Variants in DIXDC1 observed in about 807,000 individuals in gnomAD.
DIXDC1 encodes dixin.
In DIXDC1, 64 loss-of-function variants were observed where a neutral mutation model predicts 103.1. The ratio of observed to expected loss-of-function variants is 0.62; its 90% CI spans 0.51 to 0.76. The LOEUF is 0.76. DIXDC1 is among the 30% of genes least tolerant of loss of function. The probability of loss-of-function intolerance (pLI) is 0.00; values close to 1 mark genes in which losing one functional copy is unlikely to be tolerated. For synonymous variants in DIXDC1, 266 were observed against 298.5 expected, an observed-to-expected ratio of 0.89 and a Z score of 1.12; for missense variants, 759 against 834.2, an observed-to-expected ratio of 0.91 and a Z score of 1.11.
intron 2 of DIXDC1, among the ~76,000 whole-genome samples, chr11:111,965,732 ATAGTACT>A (rs1216793933): frequency 6.6e-6 from 1 of 152,212 alleles, no homozygotes; most frequent in African/African-American, 2.4e-5. Context: ...ATAAAAATAA[ATAGTACT>A]TAGTATGAGT....
intron 10 of DIXDC1, among the ~76,000 whole-genome samples, chr11:111,989,617 C>T (rs1860626367): frequency 7.0e-6 from 1 of 143,098 alleles, no homozygotes; most frequent in Admixed American, 6.9e-5. Context: ...GGGTGAGACT[C>T]CGTCTCGGAA....
At chr11:111,937,873 T>TC (rs1302008793) in intron 1 of DIXDC1, among the ~76,000 whole-genome samples, 9 of 152,312 alleles carry the variant, frequency 5.9e-5, no homozygotes, top group African/African-American at 2.2e-4. Context: ...AGAGCTTCTC[T>TC]CTCCAAGGAA....
chr11:111,975,325 A>T, intron 5 of DIXDC1: 1 of 1,131,002 alleles, frequency 8.8e-7, no homozygotes, highest in Non-Finnish European at 1.1e-6. Flanking sequence ...AGCCAGTTCC[A>T]TTGTGCTGTC....
At chr11:111,994,215 C>T (rs781885621) in intron 14 of DIXDC1, among the ~76,000 whole-genome samples, 1 of 151,924 alleles carries the variant, frequency 6.6e-6, no homozygotes, top group East Asian at 1.9e-4. Flanking sequence ...GGTGAAACCT[C>T]GTCTCTACTA....
chr11:111,982,187 C>T (rs1860326844), intron 6 of DIXDC1, 152 bp from the exon 7 acceptor site: 1 of 773,458 alleles, frequency 1.3e-6, no homozygotes, highest in African/African-American at 1.7e-5. Flanking sequence ...CTTTAGGCCT[C>T]ACAACCCCAC....
At chr11:111,949,918 C>CT (rs372738597) in intron 1 of DIXDC1, among the ~76,000 whole-genome samples, 65 of 149,958 alleles carry the variant, frequency 4.3e-4, no homozygotes, top group Middle Eastern at 3.4e-3. Flanking sequence ...GCATAAATAG[C>CT]TTTTTTTTTT....
In DIXDC1 at chr11:111,989,040, C is replaced by T; in HGVS notation, c.1098C>T (p.Asn366=). The change falls in exon 10 of 20, where the codon AAC becomes AAT. Residue 366 remains asparagine (N), a synonymous_variant. Transcript: ENST00000440460. ...ELLKCKQEAR[N]LQGIKDALQQ... is the part of the protein sequence containing the mutation. ...TGAAATGTAAACAAGAAGCCAGAAA[C>T]TTACAGGGGATAAAGGTAAAAAAGA... 1.9e-6 allele frequency: 3 copies of T among 1,610,520 alleles called. No homozygotes were observed. Among genetic ancestry groups the T allele is most frequent in the Non-Finnish European group, 2.5e-6 (3 of 1,178,620 alleles).
At chr11:111,997,787 A>G (rs1266987387) in intron 17 of DIXDC1, among the ~76,000 whole-genome samples, 2 of 152,226 alleles carry the variant, frequency 1.3e-5, no homozygotes, top group East Asian at 3.8e-4. Context: ...ACTACAAATA[A>G]ATCTATAGCT....
chr11:111,961,576 T>C (rs1555171090), intron 1 of DIXDC1, among the ~76,000 whole-genome samples: 1 of 152,240 alleles, frequency 6.6e-6, no homozygotes. Context: ...GAATCCTCTT[T>C]TGTTGGAAGA....
chr11:112,013,980 T>A (rs1436475657), intron 17 of DIXDC1, among the ~76,000 whole-genome samples: 2 of 151,700 alleles, frequency 1.3e-5, no homozygotes, highest in Non-Finnish European at 2.9e-5. Context: ...TGGAGGGAGG[T>A]GCCAGGCTCT....
intron 2 of DIXDC1, among the ~76,000 whole-genome samples, chr11:111,931,229 G>A (rs1243466061): frequency 2.0e-5 from 3 of 152,090 alleles, no homozygotes; most frequent in African/African-American, 7.2e-5. Context: ...CAACTACTCA[G>A]GAGGCTGAAT....
chr11:111,975,025 G>C, intron 5 of DIXDC1, 42 bp downstream of exon 5: 1 of 1,579,942 alleles, frequency 6.3e-7, no homozygotes, highest in Non-Finnish European at 8.6e-7. Flanking sequence ...AGGATTCTCG[G>C]AGTTCTCGGC....
upstream of DIXDC1, among the ~76,000 whole-genome samples, chr11:111,934,763 A>G (rs1966141340): frequency 6.6e-6 from 1 of 152,198 alleles, no homozygotes; most frequent in South Asian, 2.1e-4. Flanking sequence ...AAAAATGGAC[A>G]TTATATGGTC....
intron 1 of DIXDC1, among the ~76,000 whole-genome samples, chr11:111,949,843 G>A (rs112622111): frequency 0.076 from 11,505 of 152,144 alleles, 1,285 homozygotes; most frequent in African/African-American, 0.24. Context: ...GAACCAGCCA[G>A]ATGTCTCCTT....
At chr11:111,979,799 A>T (rs1860237416) in intron 5 of DIXDC1, among the ~76,000 whole-genome samples, 1 of 152,086 alleles carries the variant, frequency 6.6e-6, no homozygotes, top group African/African-American at 2.4e-5. Flanking sequence ...CTACAAAATG[A>T]TTTAAAAATT....
upstream of DIXDC1, among the ~76,000 whole-genome samples, chr11:111,936,153 A>G (rs1193290156): frequency 1.3e-5 from 2 of 152,240 alleles, no homozygotes; most frequent in South Asian, 4.1e-4. Flanking sequence ...GCTGCCTGTC[A>G]CTGATTGGCT....
Position 112,017,154 on chromosome 11 carries a change from G to C in DIXDC1, c.1862+358G>C, listed in dbSNP as rs1349331042. On this transcript the variant is annotated intron_variant, in intron 18 of 19. Transcript: ENST00000440460. This position sits in a 1 kb window ranked among gnomAD's most constrained non-coding sequence, Gnocchi z 4.0. ...AGCCTGGCACTCACTCCAGGACTAT[G>C]ACTAATTGATCTTTGTTACTATTCA... Among the ~76,000 whole-genome samples the C allele has an allele frequency of 6.6e-5, 10 of 151,588 alleles. No homozygotes were observed. The highest frequency in any genetic ancestry group is 8.8e-5 in the Non-Finnish European group (6 of 67,966).
chr11:111,940,679 G>A (rs1966388700), intron 1 of DIXDC1, among the ~76,000 whole-genome samples: 1 of 152,170 alleles, frequency 6.6e-6, no homozygotes, highest in Non-Finnish European at 1.5e-5. Flanking sequence ...TTTATTGAAA[G>A]GGGATGGATA....
In DIXDC1 at chr11:111,977,357, A is replaced by T; in HGVS notation, c.656+2374A>T. On this transcript the variant is annotated intron_variant, in intron 5 of 19. Coordinates refer to ENST00000440460, the MANE Select transcript of DIXDC1 (RefSeq NM_001037954.4). This position sits in a 1 kb window ranked among gnomAD's most constrained non-coding sequence, Gnocchi z 6.1. ...GATCGCCGCTGGGGACTCGAGGCGC[A>T]GCCTGCGCCGCCGGGAGCCTCCCTC... 9.4e-7 allele frequency: 1 copy of T among 1,067,122 alleles called. No homozygotes were observed. Among genetic ancestry groups the T allele is most frequent in the Non-Finnish European group, 1.1e-6 (1 of 881,526 alleles). 66.1% of individuals were successfully genotyped at this position (1,067,122 alleles called of 1,614,324 possible).
Sources: gnomAD v4.1 joint callset for allele counts (sites outside exome capture counted in the v4.1 genomes callset) on GRCh38, gnomAD v4.1.1 for gene constraint, Gnocchi (gnomAD v3.1) non-coding constraint, MANE v1.5 for transcripts, NCBI Gene and HGNC (gene_info 2026-07-23, HGNC 2026-07-21) for gene names.